The following VEPH1 variants were observed in gnomAD, a reference collection of about 807,000 sequenced individuals.
VEPH1 encodes the protein ventricular zone-expressed PH domain-containing protein homolog 1.
In VEPH1, 80 loss-of-function variants were observed where a neutral mutation model predicts 85.2. The ratio of observed to expected loss-of-function variants is 0.94; its 90% CI spans 0.78 to 1.13. The LOEUF is 1.13. VEPH1 is among the 50% of genes most tolerant of loss of function. The probability of loss-of-function intolerance (pLI) is 0.00; values close to 1 mark genes in which losing one functional copy is unlikely to be tolerated. For synonymous variants in VEPH1, 297 were observed against 348.0 expected (o/e 0.85, Z 1.63); for missense variants, 955 against 980.5 (o/e 0.97, Z 0.35).
At chr3:157,480,065 C>A (rs1737883007) in intron 2 of VEPH1, among the ~76,000 whole-genome samples, 1 of 100,630 alleles carries the variant, frequency 9.9e-6, no homozygotes, top group Non-Finnish European at 2.0e-5. Flanking sequence ...CTTTTTCTTT[C>A]TTTCCTTTCT....
At position 157,266,034 on chromosome 3, in the gene VEPH1, G is replaced by A. The variant is rs1369820701; in HGVS notation, c.2129-372C>T. Among the ~76,000 whole-genome samples, 3 of 147,510 alleles carry A rather than the reference G, an allele frequency of 2.0e-5. No homozygotes were observed. In the Admixed American group the frequency reaches 2.1e-4, roughly 10 times the overall value. On this transcript the variant is annotated intron_variant, in intron 12 of 13. Transcript: ENST00000362010. The stretch of plus-strand genomic sequence containing the variant: ...TAATTTGGAACAGTTTGAAATGTTG[G>A]CACAAAGTATCTAGTATGCCATAAG...
At position 157,470,436 on chromosome 3, in the gene VEPH1, G is replaced by C. The variant is rs765865276; in HGVS notation, c.232C>G (p.His78Asp). Reference protein sequence around the residue: ...AIRETESIEKHAKALVGLWDS... With the variant: ...AIRETESIEKDAKALVGLWDS... ...CAGAGCCCCACAAGGGCCTTTGCAT[G>C]CTTTTCAATGGACTCGGTCTCTCTG... Residue 78 changes from histidine (H) to aspartate (D), a missense_variant, in exon 3 of 14, where the codon CAT becomes GAT. Coordinates refer to ENST00000362010, the MANE Select transcript of VEPH1 (RefSeq NM_001167912.2). 1 of 1,614,158 alleles carries C rather than the reference G, an allele frequency of 6.2e-7. No individual in the cohort carries two copies. Among genetic ancestry groups the C allele is most frequent in the South Asian group, 1.1e-5 (1 of 91,086 alleles).
At chr3:157,410,942 C>T (rs1731486352) in intron 6 of VEPH1, among the ~76,000 whole-genome samples, 1 of 152,160 alleles carries the variant, frequency 6.6e-6, no homozygotes, top group Non-Finnish European at 1.5e-5. Context: ...CCCTGTTTAA[C>T]TGGGCATGGG....
intron 5 of VEPH1, among the ~76,000 whole-genome samples, chr3:157,421,107 A>G (rs1375648465): frequency 6.6e-6 from 1 of 152,194 alleles, no homozygotes; most frequent in African/African-American, 2.4e-5. Context: ...GAAAAGTAGG[A>G]TGCCTAGAGG....
At chr3:157,408,452 T>A (rs772414816) in intron 6 of VEPH1, among the ~76,000 whole-genome samples, 1 of 152,110 alleles carries the variant, frequency 6.6e-6, no homozygotes, top group Non-Finnish European at 1.5e-5. Flanking sequence ...AAGTGAGAAA[T>A]CAACCCTCAA....
rs755024700 is a variant in VEPH1, at chr3:157,363,722, A to G, written c.1377T>C (p.Gly459=). ...SLAFHTMLTK[G]VGSDDGEDEN... ...CATCTTCGCCGTCATCTGAACCCACACCCTTTGTGAGCATAGTGTGGAAAG... is the reference window on the plus strand; with the variant it reads ...CATCTTCGCCGTCATCTGAACCCACGCCCTTTGTGAGCATAGTGTGGAAAG... The change falls in exon 9 of 14, where the codon GGT becomes GGC. Residue 459 remains glycine (G), a synonymous_variant. Coordinates refer to ENST00000362010, the MANE Select transcript of VEPH1 (RefSeq NM_001167912.2). The G allele has an allele frequency of 6.2e-7, 1 of 1,613,926 alleles. No individual in the cohort carries two copies. The highest frequency in any genetic ancestry group is 1.7e-5 in the Admixed American group (1 of 59,984).
At chr3:157,420,062 T>C (rs367658790) in intron 5 of VEPH1, among the ~76,000 whole-genome samples, 5 of 151,444 alleles carry the variant, frequency 3.3e-5, no homozygotes, top group African/African-American at 1.2e-4. Context: ...CTCAGCAAAC[T>C]AATGCAGAAA....
At chr3:157,478,522 A>C (rs1467400879) in intron 2 of VEPH1, among the ~76,000 whole-genome samples, 2 of 152,180 alleles carry the variant, frequency 1.3e-5, no homozygotes, top group East Asian at 3.8e-4. Context: ...GCCTCAATAA[A>C]AGTGGAAGGT....
chr3:157,344,131 T>C (rs1169955616), intron 9 of VEPH1, among the ~76,000 whole-genome samples: 6 of 152,014 alleles, frequency 3.9e-5, no homozygotes, highest in South Asian at 2.1e-4. Context: ...ACAGGGATGC[T>C]CTCTCTCACC....
At chr3:157,470,067 T>C (rs1264947895) in intron 3 of VEPH1, among the ~76,000 whole-genome samples, 1 of 152,156 alleles carries the variant, frequency 6.6e-6, no homozygotes, top group East Asian at 1.9e-4. Flanking sequence ...ATGTATACTC[T>C]CCAAACAGAT....
intron 1 of VEPH1, among the ~76,000 whole-genome samples, chr3:157,499,070 C>T (rs568026953): frequency 2.0e-5 from 3 of 152,144 alleles, no homozygotes; most frequent in Non-Finnish European, 4.4e-5. Flanking sequence ...GTATCATGCC[C>T]AAGGTTACAC....
At chr3:157,455,633 A>T (rs11915662) in intron 4 of VEPH1, among the ~76,000 whole-genome samples, 5,824 of 151,938 alleles carry the variant, frequency 0.038, 368 homozygotes, top group African/African-American at 0.13. Flanking sequence ...GTGTCCAGGT[A>T]TTGTCATAAT....
intron 6 of VEPH1, among the ~76,000 whole-genome samples, chr3:157,398,597 G>A (rs912962937): frequency 6.6e-6 from 1 of 150,722 alleles, no homozygotes; most frequent in Non-Finnish European, 1.5e-5. Context: ...TCACGCCACT[G>A]CATTCCAGCC....
At chr3:157,290,924 G>A (rs975652121) in intron 11 of VEPH1, among the ~76,000 whole-genome samples, 4 of 152,212 alleles carry the variant, frequency 2.6e-5, no homozygotes, top group Admixed American at 6.5e-5. Context: ...ACAAATGACA[G>A]CATGAGTCAA....
At chr3:157,480,276 C>T (rs540715743) in intron 2 of VEPH1, among the ~76,000 whole-genome samples, 19 of 152,018 alleles carry the variant, frequency 1.2e-4, no homozygotes, top group African/African-American at 4.6e-4. Context: ...ATTTATCTCT[C>T]ACTTTCTTTT....
chr3:157,311,017 T>G (rs1419742498), intron 11 of VEPH1, among the ~76,000 whole-genome samples: 1 of 152,218 alleles, frequency 6.6e-6, no homozygotes, highest in Non-Finnish European at 1.5e-5. Context: ...GCTTCCGATT[T>G]TAACATCCAG....
At position 157,495,229 on chromosome 3, in the gene VEPH1, T is replaced by G; in HGVS notation, c.121A>C (p.Ile41Leu). 1 of 1,613,952 alleles carries G rather than the reference T, an allele frequency of 6.2e-7. No individual in the cohort carries two copies. Among genetic ancestry groups the G allele is most frequent in the East Asian group, 2.2e-5 (1 of 44,862 alleles). ...TTACTTACTGAAGATGAGCTAATTA[T>G]CTTAATTTGCTCCAAAGCTTCTGTA... ...SLTEALEQIK[I>L]ISSSSDYQTN... Residue 41 changes from isoleucine (I) to leucine (L), a missense_variant, in exon 2 of 14, where the codon ATA (isoleucine) becomes CTA (leucine). Ile to Leu is a conservative substitution (Grantham distance 5, BLOSUM62 2). Coordinates refer to ENST00000362010, the MANE Select transcript of VEPH1 (RefSeq NM_001167912.2).
intron 11 of VEPH1, among the ~76,000 whole-genome samples, chr3:157,293,963 A>ATT (rs1450351701): frequency 4.6e-5 from 7 of 152,248 alleles, no homozygotes; most frequent in African/African-American, 1.4e-4. Flanking sequence ...ACTTTTGGCA[A>ATT]TTATAGCCAG....
rs149426388 is a variant in VEPH1 at position 157,266,326 on chromosome 3, A to T, written c.2129-664T>A. ...CTCTCTTTCCCCTCTCTGTATTCCC[A>T]TCTTCACCTAGTCAACAACTGATCA... On this transcript the variant is annotated intron_variant, in intron 12 of 13. Coordinates refer to ENST00000362010, the MANE Select transcript of VEPH1 (RefSeq NM_001167912.2). 5.9e-5 allele frequency among the ~76,000 whole-genome samples: 9 copies of T among 151,708 alleles called. No individual in the cohort carries two copies. In the East Asian group the frequency reaches 1.8e-3, roughly 30 times the overall value.
Sources: gnomAD v4.1 joint callset for allele counts (sites outside exome capture counted in the v4.1 genomes callset) on GRCh38, gnomAD v4.1.1 for gene constraint, MANE v1.5 for transcripts, NCBI Gene and HGNC (gene_info 2026-07-23, HGNC 2026-07-21) for gene names.